Variants in ANKFN1 observed in about 807,000 individuals in gnomAD.
ANKFN1 encodes the protein ankyrin repeat and fibronectin type III domain containing 1.
In ANKFN1, 74 loss-of-function variants were observed where a neutral mutation model predicts 108.7. The observed-to-expected ratio is 0.68, with a 90% CI of 0.56 to 0.83. The LOEUF is 0.83. Among genes scored for constraint, ANKFN1 ranks in the 40% least tolerant of loss-of-function variants. The probability of loss-of-function intolerance (pLI) is 0.00; values close to 1 mark genes in which losing one functional copy is unlikely to be tolerated. For missense variants in ANKFN1, 1,505 were observed against 1,382.3 expected, an observed-to-expected ratio of 1.09 and a Z score of -1.41; for synonymous variants, 547 against 516.2, an observed-to-expected ratio of 1.06 and a Z score of -0.81.
At chr17:56,435,016 T>C (rs578019995) in intron 8 of ANKFN1, among the ~76,000 whole-genome samples, 2 of 152,184 alleles carry the variant, frequency 1.3e-5, no homozygotes, top group Non-Finnish European at 2.9e-5. Context: ...TTTTGGTTTC[T>C]GAGAGGCAGT....
At position 56,209,765 on chromosome 17, in the gene ANKFN1, T is replaced by A. The variant is rs1914826993; in HGVS notation, c.-70-2833T>A. Among the ~76,000 whole-genome samples, 3 of 152,166 alleles carry A rather than the reference T, an allele frequency of 2.0e-5. 1 individual carries two copies. In the South Asian group the frequency reaches 6.2e-4, roughly 32 times the overall value. On this transcript the variant is annotated intron_variant, in intron 1 of 20. Transcript: ENST00000682825. ...TGATTTCTGAGATTTTGGTGCACCATCAGCCAAGCAGTGTACACTGTACCC... is the reference window on the plus strand; with the variant it reads ...TGATTTCTGAGATTTTGGTGCACCAACAGCCAAGCAGTGTACACTGTACCC...
chr17:56,312,280 CAT>C (rs915517717), intron 3 of ANKFN1, among the ~76,000 whole-genome samples: 1 of 152,200 alleles, frequency 6.6e-6, no homozygotes, highest in Non-Finnish European at 1.5e-5. Flanking sequence ...TGATATTCCA[CAT>C]GTGTCTGGCT....
At chr17:56,428,453 GC>G (rs1030918105) in intron 8 of ANKFN1, among the ~76,000 whole-genome samples, 2 of 149,458 alleles carry the variant, frequency 1.3e-5, no homozygotes, top group African/African-American at 4.9e-5. Context: ...AATAATTGGA[GC>G]TTTTTTTCTT....
chr17:56,467,972 C>T (rs1188828056), intron 15 of ANKFN1, among the ~76,000 whole-genome samples: 1 of 152,170 alleles, frequency 6.6e-6, no homozygotes, highest in Non-Finnish European at 1.5e-5. Context: ...TTGTACAAGC[C>T]TCTTCTATGT....
chr17:56,308,566 A>G (rs1352635890), intron 3 of ANKFN1, among the ~76,000 whole-genome samples: 2 of 151,824 alleles, frequency 1.3e-5, no homozygotes, highest in South Asian at 2.1e-4. Flanking sequence ...CTTTTATTGC[A>G]TTTTCTTGCT....
At chr17:56,286,176 A>G (rs559402724) in intron 3 of ANKFN1, among the ~76,000 whole-genome samples, 1 of 152,232 alleles carries the variant, frequency 6.6e-6, no homozygotes, top group South Asian at 2.1e-4. Flanking sequence ...CATCATCTCA[A>G]ACATTACGAA....
chr17:56,193,942 G>T (rs768741020), intron 1 of ANKFN1, among the ~76,000 whole-genome samples: 2 of 152,170 alleles, frequency 1.3e-5, no homozygotes, highest in Admixed American at 1.3e-4. Flanking sequence ...AAACATACAA[G>T]TTTATTTAAA....
chr17:56,420,420 AT>A (rs1197614818), intron 8 of ANKFN1, among the ~76,000 whole-genome samples: 30 of 152,136 alleles, frequency 2.0e-4, no homozygotes, highest in Non-Finnish European at 2.8e-4. Flanking sequence ...TTGGCAAACT[AT>A]TTCTTTTGTT....
chr17:56,300,787 C>A lies in ANKFN1; in HGVS notation c.54-25434C>A, dbSNP rs1206030841. 3.3e-5 allele frequency among the ~76,000 whole-genome samples: 5 copies of A among 152,228 alleles called. No individual in the cohort carries two copies. In the East Asian group the frequency reaches 9.7e-4, roughly 29 times the overall value. ...TGGCAATGTGCTGTGATGGAGTCCT[C>A]AGATATTTGATTGGTTGCCCACCAG... On this transcript the variant is annotated intron_variant, in intron 3 of 20. Transcript: ENST00000682825.
Position 56,231,775 on chromosome 17 carries a change from C to T in ANKFN1, c.53+3818C>T, listed in dbSNP as rs558655236. Among the ~76,000 whole-genome samples the T allele has an allele frequency of 1.1e-3, 165 of 152,178 alleles. 3 individuals are homozygous for T. The highest frequency in any genetic ancestry group is 8.7e-3 in the Admixed American group (133 of 15,268). On this transcript the variant is annotated intron_variant, in intron 3 of 20. Transcript: ENST00000682825. Reference sequence around the variant, plus strand: ...ACAATCCCCCAAATTTCACGTATTTCGGGAAAATATGATTTTACTGTGTGT... The same window carrying T: ...ACAATCCCCCAAATTTCACGTATTTTGGGAAAATATGATTTTACTGTGTGT...
At chr17:56,149,440 G>T (rs1214669594), upstream of ANKFN1, among the ~76,000 whole-genome samples, 1 of 151,788 alleles carries the variant, frequency 6.6e-6, no homozygotes, top group Non-Finnish European at 1.5e-5. Flanking sequence ...GGCACCAACG[G>T]CAAGTTCTCA....
chr17:56,294,529 C>T (rs758332056), intron 3 of ANKFN1, among the ~76,000 whole-genome samples: 19 of 152,222 alleles, frequency 1.2e-4, no homozygotes, highest in African/African-American at 1.9e-4. Flanking sequence ...CTTTCTCCAT[C>T]CTAAGCAGAG....
chr17:56,202,508 TC>T (rs1377140901), intron 1 of ANKFN1, among the ~76,000 whole-genome samples: 4 of 152,172 alleles, frequency 2.6e-5, no homozygotes, highest in African/African-American at 9.7e-5. Context: ...GCCCCTACTC[TC>T]CTCTCCAATT....
At chr17:56,064,375 C>G (rs1214324646) in intron 4 of ANKFN1, among the ~76,000 whole-genome samples, 1 of 152,224 alleles carries the variant, frequency 6.6e-6, no homozygotes, top group African/African-American at 2.4e-5. Flanking sequence ...GCCACCACTC[C>G]CGCTAGGGGC....
intron 3 of ANKFN1, among the ~76,000 whole-genome samples, chr17:56,267,546 AATCT>A (rs1398728593): frequency 3.9e-5 from 6 of 152,150 alleles, no homozygotes; most frequent in African/African-American, 1.2e-4. Flanking sequence ...TTAAGTTTTT[AATCT>A]ATCTTGAGTT....
chr17:56,403,852 T>C (rs530107757), intron 8 of ANKFN1, among the ~76,000 whole-genome samples: 25 of 152,318 alleles, frequency 1.6e-4, no homozygotes, highest in African/African-American at 5.8e-4. Context: ...CTTGTAGTGG[T>C]AGCTTTGTAA....
intron 4 of ANKFN1, among the ~76,000 whole-genome samples, chr17:56,082,576 C>T (rs1439539798): frequency 1.3e-5 from 2 of 152,284 alleles, no homozygotes; most frequent in East Asian, 3.9e-4. Flanking sequence ...GTGGTTAGAA[C>T]AGAAGCCCAG....
chr17:56,343,203 A>G (rs142179109), intron 4 of ANKFN1, among the ~76,000 whole-genome samples: 1 of 151,218 alleles, frequency 6.6e-6, no homozygotes, highest in Non-Finnish European at 1.5e-5. Flanking sequence ...TTGCTCAATT[A>G]TTTATCTTTC....
chr17:56,467,791 G>GAAGAAAGAAAGA (rs1555660585), intron 15 of ANKFN1, among the ~76,000 whole-genome samples: 115 of 55,038 alleles, frequency 2.1e-3, no homozygotes, highest in South Asian at 2.2e-3. Context: ...AAGAAAGAAA[G>GAAGAAAGAAAGA]AAGAAAGAAA....
Sources: gnomAD v4.1 joint callset for allele counts (sites outside exome capture counted in the v4.1 genomes callset) on GRCh38, gnomAD v4.1.1 for gene constraint, MANE v1.5 for transcripts, NCBI Gene and HGNC (gene_info 2026-07-23, HGNC 2026-07-21) for gene names.